PPFIA2: variants seen among roughly 807,000 people sequenced by gnomAD.
PPFIA2 encodes liprin-alpha-2.
A neutral mutation model predicts 175.5 loss-of-function variants in PPFIA2; 46 were observed. The observed-to-expected ratio is 0.26, with a 90% CI of 0.21 to 0.34. The LOEUF (loss-of-function observed/expected upper bound fraction) is 0.34. Ranked by LOEUF, PPFIA2 falls within the 10% of genes least tolerant of loss-of-function variation. The pLI is 1.00. For missense variants in PPFIA2, 1,179 were observed against 1,506.1 expected (o/e 0.78, Z 3.60); for synonymous variants, 568 against 511.4 (o/e 1.11, Z -1.49).
intron 3 of PPFIA2, among the ~76,000 whole-genome samples, chr12:81,734,657 T>C (rs983062563): frequency 6.6e-6 from 1 of 151,828 alleles, no homozygotes; most frequent in Non-Finnish European, 1.5e-5. Flanking sequence ...TTGGGAGCCA[T>C]GGAAAGTTAT....
chr12:81,362,882 G>A, intron 14 of PPFIA2, 98 bp from the exon 15 acceptor site: 13 of 698,452 alleles, frequency 1.9e-5, no homozygotes, highest in South Asian at 1.2e-4. Flanking sequence ...GAAAAACTGA[G>A]GATATATTTT....
chr12:81,709,273 C>T lies in PPFIA2; in HGVS notation c.250-32429G>A, dbSNP rs975858024. On this transcript the variant is annotated intron_variant, in intron 3 of 32. Transcript: ENST00000549396. ...TAAGTCTCAGTTCAAAGACAGCATT[C>T]CAGAGTTTTCTTTTAAAGTGCTCAC... is the stretch of plus-strand genomic sequence containing the variant. Among the ~76,000 whole-genome samples, 13 of 152,112 alleles carry T rather than the reference C, an allele frequency of 8.5e-5. No homozygotes were observed. In the South Asian group the frequency reaches 1.7e-3, roughly 19 times the overall value.
chr12:81,322,186 A>G (rs1055034953), intron 22 of PPFIA2, among the ~76,000 whole-genome samples: 1 of 152,206 alleles, frequency 6.6e-6, no homozygotes, highest in Non-Finnish European at 1.5e-5. Context: ...CTTTTAGGTT[A>G]AAACATAGGC....
At chr12:81,408,863 C>G (rs1012004089) in intron 7 of PPFIA2, among the ~76,000 whole-genome samples, 4 of 152,210 alleles carry the variant, frequency 2.6e-5, no homozygotes, top group Admixed American at 2.0e-4. Context: ...ATGCTATTTT[C>G]TCCAATAACA....
intron 4 of PPFIA2, among the ~76,000 whole-genome samples, chr12:81,606,864 G>T (rs1479070992): frequency 1.3e-5 from 2 of 151,920 alleles, no homozygotes; most frequent in Non-Finnish European, 2.9e-5. Flanking sequence ...TGCTTTTGGG[G>T]ACTTGGCAAA....
chr12:81,309,082 A>G (rs755457275), intron 22 of PPFIA2, among the ~76,000 whole-genome samples: 1 of 152,202 alleles, frequency 6.6e-6, no homozygotes, highest in Non-Finnish European at 1.5e-5. Flanking sequence ...TCTTCCTTAC[A>G]TAATAGTAGC....
At chr12:81,474,518 C>T (rs1183560192) in intron 4 of PPFIA2, among the ~76,000 whole-genome samples, 2 of 152,104 alleles carry the variant, frequency 1.3e-5, no homozygotes, top group Non-Finnish European at 2.9e-5. Context: ...TCTTGAACCC[C>T]TGACCTCAAG....
At chr12:81,293,134 T>A (rs186371685) in intron 24 of PPFIA2, among the ~76,000 whole-genome samples, 143 of 152,168 alleles carry the variant, frequency 9.4e-4, no homozygotes, top group Middle Eastern at 3.4e-3. Flanking sequence ...TACCTATTGC[T>A]AAAATTTATC....
intron 4 of PPFIA2, among the ~76,000 whole-genome samples, chr12:81,490,875 G>A (rs557866044): frequency 2.0e-5 from 3 of 151,842 alleles, no homozygotes; most frequent in African/African-American, 4.8e-5. Context: ...AGCATACCTC[G>A]TCTATGGAAG....
At chr12:81,396,109 G>C (rs73356624) in intron 8 of PPFIA2, among the ~76,000 whole-genome samples, 4,491 of 152,000 alleles carry the variant, frequency 0.03, 205 homozygotes, top group African/African-American at 0.1. Context: ...AATTTGAAAA[G>C]TTGATATTAT....
chr12:81,333,158 A>T (rs1349358112), intron 21 of PPFIA2, among the ~76,000 whole-genome samples: 1 of 152,176 alleles, frequency 6.6e-6, no homozygotes. Context: ...TTTCCAAGTG[A>T]CAAATAACTC....
chr12:81,445,860 A>C (rs2051152192), intron 5 of PPFIA2, 140 bp from the exon 6 acceptor site: 3 of 675,332 alleles, frequency 4.4e-6, no homozygotes, highest in Non-Finnish European at 7.1e-6. Flanking sequence ...GCAACAAAGA[A>C]GCACAGACCT....
At chr12:81,510,847 C>T (rs951805105) in intron 4 of PPFIA2, among the ~76,000 whole-genome samples, 3 of 151,978 alleles carry the variant, frequency 2.0e-5, no homozygotes, top group Admixed American at 1.3e-4. Context: ...AAAAATAAGG[C>T]CATGTCTGAA....
At chr12:81,348,442 T>A (rs1192919778) in intron 17 of PPFIA2, among the ~76,000 whole-genome samples, 1 of 151,966 alleles carries the variant, frequency 6.6e-6, no homozygotes, top group South Asian at 2.1e-4. Flanking sequence ...AAAAGTAACT[T>A]GCAAATAAAA....
intron 8 of PPFIA2, among the ~76,000 whole-genome samples, chr12:81,384,993 C>T (rs2038609295): frequency 6.6e-6 from 1 of 151,988 alleles, no homozygotes; most frequent in African/African-American, 2.4e-5. Context: ...ATATAAACAA[C>T]TCAAACAACT....
intron 4 of PPFIA2, among the ~76,000 whole-genome samples, chr12:81,596,621 T>A (rs961903233): frequency 5.3e-5 from 8 of 152,144 alleles, no homozygotes; most frequent in Admixed American, 2.0e-4. Context: ...TGGAATGAAC[T>A]GACCCTTAAA....
chr12:81,265,284 A>G (rs2036899363), intron 30 of PPFIA2, among the ~76,000 whole-genome samples: 1 of 110,202 alleles, frequency 9.1e-6, no homozygotes, highest in Non-Finnish European at 1.9e-5. Context: ...CAAGAGCGAA[A>G]CTCTGTCAAA....
intron 4 of PPFIA2, among the ~76,000 whole-genome samples, chr12:81,610,978 T>C (rs1186411233): frequency 6.6e-6 from 1 of 152,142 alleles, no homozygotes; most frequent in East Asian, 1.9e-4. Flanking sequence ...CACAGGTGTA[T>C]ATATTAATAG....
chr12:81,400,590 T>G (rs1451211237), intron 8 of PPFIA2, among the ~76,000 whole-genome samples: 2 of 152,208 alleles, frequency 1.3e-5, no homozygotes, highest in Non-Finnish European at 2.9e-5. Context: ...AAAAATCTAT[T>G]TCTGATTTTA....
Sources: allele counts gnomAD v4.1 joint callset (sites outside exome capture counted in the v4.1 genomes callset), GRCh38; gene constraint gnomAD v4.1.1; transcripts MANE v1.5; gene names NCBI Gene and HGNC (gene_info 2026-07-23, HGNC 2026-07-21).